Variants in ARHGAP17 observed in about 807,000 individuals in gnomAD.
ARHGAP17 encodes Rho GTPase activating protein 17.
Under a neutral mutation model 99.5 loss-of-function variants are expected in ARHGAP17, and 57 were observed. The observed-to-expected ratio is 0.57, with a 90% confidence interval of 0.46 to 0.71. ARHGAP17 has a LOEUF of 0.71. ARHGAP17 is among the 30% of genes least tolerant of loss of function. The pLI is 0.00. For missense variants in ARHGAP17, 1,000 were observed against 1,122.4 expected (o/e 0.89, Z 1.56); for synonymous variants, 417 against 429.6 (o/e 0.97, Z 0.36).
chr16:24,984,435 G>A (rs937756714), intron 1 of ARHGAP17, among the ~76,000 whole-genome samples: 1 of 152,142 alleles, frequency 6.6e-6, no homozygotes, highest in African/African-American at 2.4e-5. Flanking sequence ...GGGAAGCCAA[G>A]GCAGGCGGAT....
chr16:24,980,833 G>C (rs916629303), intron 1 of ARHGAP17, among the ~76,000 whole-genome samples: 1 of 152,026 alleles, frequency 6.6e-6, no homozygotes, highest in Non-Finnish European at 1.5e-5. Context: ...CCCAAATCTG[G>C]ACAGGGCCCT....
chr16:24,958,752 C>A (rs746210336), intron 9 of ARHGAP17, among the ~76,000 whole-genome samples: 2 of 152,048 alleles, frequency 1.3e-5, no homozygotes, highest in Non-Finnish European at 2.9e-5. Context: ...ACAAAGCATC[C>A]CCCCCACAAC....
chr16:24,943,913 T>C, intron 14 of ARHGAP17, 51 bp from the exon 15 acceptor site: 1 of 1,469,562 alleles, frequency 6.8e-7, no homozygotes. Flanking sequence ...CAGCATCTAA[T>C]TTCTTCTGGT....
At position 24,961,823 on chromosome 16, in the gene ARHGAP17, T is replaced by A. The variant is rs573903181; in HGVS notation, c.574-1844A>T. Among the ~76,000 whole-genome samples the A allele has an allele frequency of 8.8e-4, 132 of 150,518 alleles. No homozygotes were observed. In the South Asian group the frequency reaches 0.026, roughly 29 times the overall value. On this transcript the variant is annotated intron_variant, in intron 7 of 19. Transcript: ENST00000289968. ...TGCTAGGATTACAGATGTGAGCCAC[T>A]GCACCTGGCCAAAAAGAAATTTTAA...
chr16:24,980,000 C>T (rs960318044), intron 1 of ARHGAP17, among the ~76,000 whole-genome samples: 1 of 152,252 alleles, frequency 6.6e-6, no homozygotes. Context: ...CGTGAGCCAC[C>T]GCGCCTGGCG....
Position 24,993,921 on chromosome 16 carries a change from G to A in ARHGAP17, c.54-14916C>T, listed in dbSNP as rs568317676. Among the ~76,000 whole-genome samples the A allele has an allele frequency of 5.3e-5, 8 of 152,254 alleles. No individual in the cohort carries two copies. The South Asian group carries it at 1.7e-3, about 32-fold the overall frequency. On this transcript the variant is annotated intron_variant, in intron 1 of 19. Transcript: ENST00000289968. ...AGACTAGAACAAAATAGCAAAGGAG[G>A]GAACATTTTGAAACCTTCCAAACTG... is the stretch of plus-strand genomic sequence containing the variant.
At position 24,949,432 on chromosome 16, in the gene ARHGAP17, A is replaced by T; in HGVS notation, c.1099T>A (p.Leu367Met). The T allele has an allele frequency of 6.2e-7, 1 of 1,613,872 alleles. No homozygotes were observed. The change falls in exon 13 of 20, where the codon TTG becomes ATG. Residue 367 changes from leucine to methionine, a missense_variant. Leu to Met is a conservative substitution (Grantham distance 15). Coordinates refer to ENST00000289968, the MANE Select transcript of ARHGAP17 (RefSeq NM_001006634.3). ...LQDLWRTCQK[L>M]PPQNFVNFRY... The stretch of plus-strand genomic sequence containing the variant: ...AAGTTAACAAAATTTTGTGGTGGCA[A>T]CTTCTGACATGTTCTCCACAAGTCT...
chr16:25,001,146 T>C (rs965627193), intron 1 of ARHGAP17, among the ~76,000 whole-genome samples: 1 of 152,134 alleles, frequency 6.6e-6, no homozygotes, highest in Non-Finnish European at 1.5e-5. Flanking sequence ...AAAGAAATCA[T>C]TGAACTAAAT....
At chr16:24,929,027 T>A (rs1313291180) in intron 19 of ARHGAP17, among the ~76,000 whole-genome samples, 1 of 152,086 alleles carries the variant, frequency 6.6e-6, no homozygotes, top group Non-Finnish European at 1.5e-5. Context: ...GGACACAATT[T>A]CCTCCCGTGC....
At chr16:24,966,893 T>C (rs1183332148) in intron 6 of ARHGAP17, among the ~76,000 whole-genome samples, 1 of 152,196 alleles carries the variant, frequency 6.6e-6, no homozygotes, top group Admixed American at 6.5e-5. Flanking sequence ...CCCTCCCTTA[T>C]CTGTAAAACA....
At chr16:25,007,543 G>C (rs1329834030) in intron 1 of ARHGAP17, among the ~76,000 whole-genome samples, 2 of 151,918 alleles carry the variant, frequency 1.3e-5, no homozygotes, top group African/African-American at 4.8e-5. Context: ...AACTTTTTGC[G>C]TGTGTAGAGA....
At chr16:24,953,081 T>G in intron 10 of ARHGAP17, 39 bp from the exon 11 acceptor site, 1 of 1,593,972 alleles carries the variant, frequency 6.3e-7, no homozygotes, top group Middle Eastern at 1.7e-4. Flanking sequence ...AAGTGCAGGT[T>G]GGGACACTCA....
intron 13 of ARHGAP17, 83 bp from the exon 14 acceptor site, chr16:24,947,678 A>G (rs570498510): frequency 8.4e-7 from 1 of 1,195,834 alleles, no homozygotes; most frequent in East Asian, 2.4e-5. Context: ...GCACAATCCC[A>G]GTTTGCTCAG....
At chr16:24,985,970 T>G (rs1399309854) in intron 1 of ARHGAP17, among the ~76,000 whole-genome samples, 2 of 152,292 alleles carry the variant, frequency 1.3e-5, no homozygotes, top group Middle Eastern at 3.4e-3. Flanking sequence ...ATTCTGTGGA[T>G]ATACCATGTT....
At chr16:25,014,064 TAAAC>T (rs1206025028) in intron 1 of ARHGAP17, 1 of 152,088 alleles carries the variant, frequency 6.6e-6, no homozygotes, top group African/African-American at 2.4e-5. Flanking sequence ...TCGAAAAAAT[TAAAC>T]AAGGAAACTA....
intron 1 of ARHGAP17, among the ~76,000 whole-genome samples, chr16:24,997,357 C>A (rs1012456768): frequency 6.6e-6 from 1 of 152,084 alleles, no homozygotes. Flanking sequence ...CTGTCATTAG[C>A]ACTTGGACTG....
In ARHGAP17 at chr16:24,939,438, T is replaced by G. The variant is rs2051247432; in HGVS notation, c.1650A>C (p.Glu550Asp). Residue 550 changes from glutamate to aspartate, a missense_variant, in exon 17 of 20, where the codon GAA becomes GAC. Transcript: ENST00000289968. ...PEPPPQSSRA[E>D]SSSGGGTVPS... ...GGACAGTCCCACCCCCAGAGCTGCT[T>G]TCAGCCCTAGAGCTCTGGGGAGGGG... 1.2e-6 allele frequency: 2 copies of G among 1,612,058 alleles called. No homozygotes were observed. Among genetic ancestry groups the G allele is most frequent in the African/African-American group, 2.7e-5 (2 of 74,916 alleles).
intron 6 of ARHGAP17, 60 bp from the exon 7 acceptor site, chr16:24,964,368 G>T: frequency 8.6e-7 from 1 of 1,158,182 alleles, no homozygotes; most frequent in Non-Finnish European, 1.3e-6. Context: ...AACAGCTGGA[G>T]GCAGGACCTG....
intron 2 of ARHGAP17, 131 bp from the exon 3 acceptor site, chr16:24,977,450 A>C: frequency 1.6e-6 from 1 of 640,540 alleles, no homozygotes; most frequent in Non-Finnish European, 2.5e-6. Context: ...TTGCTATCAC[A>C]CTGAGTGGCG....
Sources: gnomAD v4.1 joint callset for allele counts (sites outside exome capture counted in the v4.1 genomes callset) on GRCh38, gnomAD v4.1.1 for gene constraint, MANE v1.5 for transcripts, NCBI Gene and HGNC (gene_info 2026-07-23, HGNC 2026-07-21) for gene names.